Variants in MCTP1 observed in about 807,000 individuals in gnomAD.
The protein encoded by MCTP1 is multiple C2 and transmembrane domain-containing protein 1.
Under a neutral mutation model 120.6 loss-of-function variants are expected in MCTP1, and 69 were observed. The observed-to-expected ratio is 0.57, with a 90% CI of 0.47 to 0.70. The LOEUF (loss-of-function observed/expected upper bound fraction) is 0.70. Ranked by LOEUF, MCTP1 falls within the 30% of genes least tolerant of loss-of-function variation. The pLI is 0.00. For missense variants in MCTP1, 1,203 were observed against 1,248.8 expected (o/e 0.96, Z 0.55); for synonymous variants, 529 against 493.1 (o/e 1.07, Z -0.96).
At chr5:94,909,188 C>T (rs921435499) in intron 10 of MCTP1, 63 bp downstream of exon 10, 113 of 1,545,138 alleles carry the variant, frequency 7.3e-5, no homozygotes, top group Non-Finnish European at 9.9e-5. Context: ...ACCAGGCTTA[C>T]AGCAAATATT....
chr5:94,767,795 G>A lies in MCTP1; in HGVS notation c.2610+11315C>T, dbSNP rs905570795. On this transcript the variant is annotated intron_variant, in intron 19 of 22. Coordinates refer to ENST00000515393, the MANE Select transcript of MCTP1 (RefSeq NM_024717.7). ...AATGAAAAGGGATCCCATGCCCATG[G>A]ATTTGAAGAATATTGTTAAAATGAC... is the stretch of plus-strand genomic sequence containing the variant. Among the ~76,000 whole-genome samples, 4 of 152,238 alleles carry A rather than the reference G, an allele frequency of 2.6e-5. No individual in the cohort carries two copies. In the South Asian group the frequency reaches 6.2e-4, roughly 24 times the overall value.
At chr5:94,953,868 T>C (rs1478004505) in intron 2 of MCTP1, among the ~76,000 whole-genome samples, 4 of 107,696 alleles carry the variant, frequency 3.7e-5, no homozygotes, top group Non-Finnish European at 5.9e-5. Context: ...TGCATATATA[T>C]ACAAATATAT....
chr5:95,041,846 G>A (rs1342031545), intron 1 of MCTP1, among the ~76,000 whole-genome samples: 1 of 152,142 alleles, frequency 6.6e-6, no homozygotes, highest in African/African-American at 2.4e-5. Context: ...TTATTCCAAA[G>A]ATTAACATAC....
At chr5:94,949,639 A>T (rs761981401) in intron 3 of MCTP1, among the ~76,000 whole-genome samples, 8 of 151,966 alleles carry the variant, frequency 5.3e-5, no homozygotes, top group Admixed American at 2.6e-4. Context: ...TCAGAACTGA[A>T]TTTTTTTTCC....
intron 17 of MCTP1, among the ~76,000 whole-genome samples, chr5:94,858,284 C>A (rs979225897): frequency 6.6e-6 from 1 of 151,630 alleles, no homozygotes; most frequent in African/African-American, 2.4e-5. Flanking sequence ...ACACAGTGAA[C>A]TCTTCAAGAG....
At chr5:94,939,214 G>A (rs757631088) in intron 5 of MCTP1, among the ~76,000 whole-genome samples, 23 of 151,916 alleles carry the variant, frequency 1.5e-4, no homozygotes, top group Admixed American at 6.6e-4. Flanking sequence ...AGGGGAAAAC[G>A]CCAACAATAC....
intron 7 of MCTP1, among the ~76,000 whole-genome samples, chr5:94,923,063 G>A (rs557579148): frequency 4.4e-4 from 66 of 148,724 alleles, no homozygotes; most frequent in African/African-American, 1.4e-3. Flanking sequence ...TAAATGTGGC[G>A]TATACTTGCT....
intron 12 of MCTP1, among the ~76,000 whole-genome samples, chr5:94,885,929 T>C (rs935567040): frequency 1.3e-5 from 2 of 152,202 alleles, no homozygotes; most frequent in South Asian, 4.1e-4. Context: ...GCTCAATGCA[T>C]GTGTATGTGT....
rs185480490 is a variant in MCTP1 at position 95,046,449 on chromosome 5, C to A, written c.721-28965G>T. Among the ~76,000 whole-genome samples the A allele has an allele frequency of 7.9e-4, 121 of 152,262 alleles. 1 individual carries two copies. Among genetic ancestry groups the A allele is most frequent in the African/African-American group, 2.8e-3 (117 of 41,564 alleles). On this transcript the variant is annotated intron_variant, in intron 1 of 22. Coordinates refer to ENST00000515393, the MANE Select transcript of MCTP1 (RefSeq NM_024717.7). Reference sequence around the variant, plus strand: ...ATTAACTTTTATTTGGATGTTACTTCATTATGCTAATAGTCTCCCTATTGA... The same window carrying A: ...ATTAACTTTTATTTGGATGTTACTTAATTATGCTAATAGTCTCCCTATTGA...
intron 19 of MCTP1, among the ~76,000 whole-genome samples, chr5:94,748,799 G>A (rs1008406032): frequency 1.3e-5 from 2 of 152,188 alleles, no homozygotes; most frequent in Non-Finnish European, 2.9e-5. Flanking sequence ...TCTCTGTTGA[G>A]TCTTCAAACT....
At chr5:94,768,037 T>C (rs1247346558) in intron 19 of MCTP1, among the ~76,000 whole-genome samples, 2 of 152,130 alleles carry the variant, frequency 1.3e-5, no homozygotes, top group Non-Finnish European at 2.9e-5. Context: ...AACAACACGG[T>C]ATTGGTATTA....
At chr5:95,099,427 A>G (rs905177105) in intron 1 of MCTP1, among the ~76,000 whole-genome samples, 18 of 151,948 alleles carry the variant, frequency 1.2e-4, no homozygotes, top group Admixed American at 5.2e-4. Flanking sequence ...AATTTACAAG[A>G]AAAAAACAAA....
rs750425723 is a variant in MCTP1 at position 95,006,702 on chromosome 5, T to C, written c.838+10665A>G. 2.8e-4 allele frequency among the ~76,000 whole-genome samples: 42 copies of C among 152,300 alleles called. 1 individual carries two copies. Among genetic ancestry groups the C allele is most frequent in the Admixed American group, 1.8e-3 (27 of 15,302 alleles). The stretch of plus-strand genomic sequence containing the variant: ...GGAAGGGACTGCCAACAAAACTTTC[T>C]GAAACCTGCTCAGAGACAAAACTTT... On this transcript the variant is annotated intron_variant, in intron 2 of 22. Coordinates refer to ENST00000515393, the MANE Select transcript of MCTP1 (RefSeq NM_024717.7).
chr5:95,244,598 A>T (rs1193563684), intron 1 of MCTP1, among the ~76,000 whole-genome samples: 1 of 152,192 alleles, frequency 6.6e-6, no homozygotes, highest in African/African-American at 2.4e-5. Flanking sequence ...GTCTGCGATC[A>T]ATCTGTGACA....
chr5:95,101,124 T>C (rs1268905628), intron 1 of MCTP1, among the ~76,000 whole-genome samples: 1 of 152,154 alleles, frequency 6.6e-6, no homozygotes, highest in African/African-American at 2.4e-5. Context: ...GACTCTATAT[T>C]GCTGTTTGAT....
At position 95,020,765 on chromosome 5, in the gene MCTP1, AGT is replaced by A. The variant is rs770327215; in HGVS notation, c.721-3283_721-3282del. 9.2e-5 allele frequency among the ~76,000 whole-genome samples: 14 copies of A among 152,076 alleles called. No individual in the cohort carries two copies. In the East Asian group the frequency reaches 2.7e-3, roughly 29 times the overall value. ...TTCTAATCATGTGAAATATATTTTA[AGT>A]GTACTGCGTGAAATAGGAACCTATG... On this transcript the variant is annotated intron_variant, in intron 1 of 22. Coordinates refer to ENST00000515393, the MANE Select transcript of MCTP1 (RefSeq NM_024717.7).
intron 3 of MCTP1, among the ~76,000 whole-genome samples, chr5:94,950,591 G>T (rs1047794359): frequency 1.3e-5 from 2 of 151,954 alleles, no homozygotes; most frequent in Non-Finnish European, 2.9e-5. Flanking sequence ...CACCTATACT[G>T]TATATTTATA....
In MCTP1 at chr5:94,703,902, G is replaced by A. The variant is rs958170757; in HGVS notation, c.*3594C>T. 3 of 150,490 alleles carry A rather than the reference G, an allele frequency of 2.0e-5. No homozygotes were observed. Among genetic ancestry groups the A allele is most frequent in the Admixed American group, 6.6e-5 (1 of 15,044 alleles). 9.3% of individuals were successfully genotyped at this position (150,490 alleles called of 1,614,324 possible). On this transcript the variant is annotated 3_prime_UTR_variant, in exon 23 of 23. Transcript: ENST00000515393. ...GTATTTCTCAAATTTTAGCCATTCAGCTGAAGTAAATCTTATGTGACTGCC... is the reference window on the plus strand; with the variant it reads ...GTATTTCTCAAATTTTAGCCATTCAACTGAAGTAAATCTTATGTGACTGCC...
intron 19 of MCTP1, among the ~76,000 whole-genome samples, chr5:94,715,352 A>G (rs1758713015): frequency 7.9e-6 from 1 of 126,436 alleles, no homozygotes; most frequent in Non-Finnish European, 1.6e-5. Context: ...ATTTGTGAGC[A>G]ATGAAAACTA....
Sources: allele counts gnomAD v4.1 joint callset (sites outside exome capture counted in the v4.1 genomes callset), GRCh38; gene constraint gnomAD v4.1.1; transcripts MANE v1.5; gene names NCBI Gene and HGNC (gene_info 2026-07-23, HGNC 2026-07-21).